FREM3: variants seen among roughly 807,000 people sequenced by gnomAD.
The protein encoded by FREM3 is FRAS1 related extracellular matrix 3, also known as FRAS1-related extracellular matrix protein 3.
FREM3 carries 105 observed loss-of-function variants against 129.1 expected under a neutral mutation model. The observed-to-expected ratio is 0.81, with a 90% CI of 0.69 to 0.96. The LOEUF is 0.96. FREM3 is among the 40% of genes least tolerant of loss of function. The probability of loss-of-function intolerance (pLI) is 0.00; values close to 1 mark genes in which losing one functional copy is unlikely to be tolerated. For missense variants in FREM3, 2,593 were observed against 2,666.3 expected, an observed-to-expected ratio of 0.97 and a Z score of 0.61; for synonymous variants, 1,014 against 1,044.9, an observed-to-expected ratio of 0.97 and a Z score of 0.57.
chr4:143,650,479 G>A (rs537403060), intron 2 of FREM3, among the ~76,000 whole-genome samples: 90 of 152,268 alleles, frequency 5.9e-4, no homozygotes, highest in African/African-American at 2.1e-3. Flanking sequence ...TGGTGAACAT[G>A]GAATTGCTAC....
intron 2 of FREM3, among the ~76,000 whole-genome samples, chr4:143,667,538 C>T (rs1478858786): frequency 6.6e-6 from 1 of 152,198 alleles, no homozygotes; most frequent in Non-Finnish European, 1.5e-5. Flanking sequence ...TCAGGAAACT[C>T]ATTTTTTTTT....
At chr4:143,635,701 T>C (rs1739222253) in intron 2 of FREM3, among the ~76,000 whole-genome samples, 1 of 152,224 alleles carries the variant, frequency 6.6e-6, no homozygotes, top group Non-Finnish European at 1.5e-5. Context: ...AGAAGAATGA[T>C]AAAACATTTT....
At chr4:143,639,828 A>T (rs1381073889) in intron 2 of FREM3, among the ~76,000 whole-genome samples, 1 of 152,148 alleles carries the variant, frequency 6.6e-6, no homozygotes, top group Non-Finnish European at 1.5e-5. Flanking sequence ...AACTTTCAAG[A>T]GTGGGAACAG....
intron 2 of FREM3, among the ~76,000 whole-genome samples, chr4:143,669,453 CA>C (rs1333630617): frequency 2.0e-5 from 3 of 151,676 alleles, no homozygotes; most frequent in Non-Finnish European, 4.4e-5. Flanking sequence ...TTGTTTAAAA[CA>C]ATTTTTTTTT....
intron 5 of FREM3, among the ~76,000 whole-genome samples, chr4:143,614,150 T>C (rs1738806405): frequency 6.6e-6 from 1 of 152,216 alleles, no homozygotes; most frequent in Non-Finnish European, 1.5e-5. Flanking sequence ...TTTAGCAAGA[T>C]TTTTAAACAA....
chr4:143,664,723 A>G (rs894743191), intron 2 of FREM3, among the ~76,000 whole-genome samples: 28 of 152,204 alleles, frequency 1.8e-4, no homozygotes, highest in African/African-American at 6.7e-4. Flanking sequence ...GGCCTCCTTG[A>G]GCTGTGGTGG....
chr4:143,620,950 G>T (rs1472422277), intron 5 of FREM3, 87 bp downstream of exon 5: 1 of 1,320,598 alleles, frequency 7.6e-7, no homozygotes, highest in Non-Finnish European at 1.0e-6. Context: ...ACTCTGCTTT[G>T]CTCACCCTCT....
At chr4:143,625,497 C>A (rs560818661) in intron 3 of FREM3, among the ~76,000 whole-genome samples, 11 of 152,312 alleles carry the variant, frequency 7.2e-5, no homozygotes, top group African/African-American at 2.6e-4. Flanking sequence ...CTTTGCAAAT[C>A]TGCTGAAGAA....
At chr4:143,682,594 C>A (rs1740274915) in intron 2 of FREM3, among the ~76,000 whole-genome samples, 1 of 152,168 alleles carries the variant, frequency 6.6e-6, no homozygotes, top group African/African-American at 2.4e-5. Context: ...TGCTTTTGTT[C>A]TTTTGTTGCA....
chr4:143,673,458 G>A (rs1048953935), intron 2 of FREM3, among the ~76,000 whole-genome samples: 9 of 152,202 alleles, frequency 5.9e-5, no homozygotes, highest in African/African-American at 1.2e-4. Context: ...TGGAAGTTTC[G>A]TCTCAGAGGG....
rs1740667334 is a variant in FREM3 at position 143,700,101 on chromosome 4, ACT to A, written c.573_574del (p.Arg191SerfsTer52). Reference sequence around the variant, plus strand: ...AGACTTCAGGGAGGCGAAGTCCAGCACTCTCCTGTCTATGGCGCGGCTCCAGC... The same window carrying A: ...AGACTTCAGGGAGGCGAAGTCCAGCACTCCTGTCTATGGCGCGGCTCCAGC... On this transcript the variant is annotated frameshift_variant, in exon 1 of 8. Coordinates refer to ENST00000329798, the MANE Select transcript of FREM3 (RefSeq NM_001168235.2). LOFTEE classifies it high-confidence loss of function. The A allele has an allele frequency of 6.5e-7, 1 of 1,536,554 alleles. No individual in the cohort carries two copies. Among genetic ancestry groups the A allele is most frequent in the African/African-American group, 1.4e-5 (1 of 73,058 alleles).
At chr4:143,594,238 C>T (rs1304827954) in intron 6 of FREM3, among the ~76,000 whole-genome samples, 1 of 152,182 alleles carries the variant, frequency 6.6e-6, no homozygotes, top group Non-Finnish European at 1.5e-5. Context: ...CACTGCCCTG[C>T]ACCCACTGTC....
intron 2 of FREM3, among the ~76,000 whole-genome samples, chr4:143,684,971 A>G (rs545629984): frequency 7.9e-4 from 120 of 152,284 alleles, no homozygotes; most frequent in African/African-American, 2.7e-3. Flanking sequence ...GAATAAGAAA[A>G]TATGAACAAA....
intron 2 of FREM3, among the ~76,000 whole-genome samples, chr4:143,652,734 A>G (rs1226151198): frequency 6.6e-6 from 1 of 152,144 alleles, no homozygotes. Context: ...GGCTTAAACC[A>G]TTCTCCTGCC....
intron 2 of FREM3, among the ~76,000 whole-genome samples, chr4:143,634,854 G>C (rs1254793169): frequency 6.6e-6 from 1 of 152,070 alleles, no homozygotes; most frequent in Non-Finnish European, 1.5e-5. Flanking sequence ...TGTGGGATGA[G>C]GGGATGTCAC....
chr4:143,621,093 A>C lies in FREM3; in HGVS notation c.5723T>G (p.Val1908Gly). 6.5e-7 allele frequency: 1 copy of C among 1,537,032 alleles called. No individual in the cohort carries two copies. Among genetic ancestry groups the C allele is most frequent in the Non-Finnish European group, 8.7e-7 (1 of 1,146,682 alleles). ...CTGGCTTGCATCTCCAGATCGTCTT[A>C]CTGGAATCAAAAGTTCCCCAATGTC... ...EEDIGELLIP[V>G]RRSGDASQEL... Residue 1908 changes from valine (V) to glycine (G), a missense_variant, in exon 5 of 8, where the codon GTA (valine) becomes GGA (glycine). Val to Gly is a moderately radical substitution (Grantham distance 109). This residue lies in a region of FREM3 where 317 missense variants were observed against 399.0 expected (regional missense o/e 0.79). Transcript: ENST00000329798.
intron 4 of FREM3, among the ~76,000 whole-genome samples, chr4:143,621,482 T>A (rs1425850059): frequency 6.6e-6 from 1 of 152,238 alleles, no homozygotes; most frequent in African/African-American, 2.4e-5. Flanking sequence ...GGAGATCACA[T>A]ATTTATGTAC....
rs182905393 is a variant in FREM3 at position 143,648,482 on chromosome 4, A to C, written c.5276-20722T>G. ...TGAATTGTAATAATCCCCATGTGTC[A>C]AGGGCAGGACCAGGTGGAGATAAGT... is the stretch of plus-strand genomic sequence containing the variant. On this transcript the variant is annotated intron_variant, in intron 2 of 7. Transcript: ENST00000329798. Among the ~76,000 whole-genome samples the C allele has an allele frequency of 4.2e-4, 64 of 152,316 alleles. No homozygotes were observed. The East Asian group carries it at 0.012, about 29-fold the overall frequency.
chr4:143,662,350 G>C (rs542976179), intron 2 of FREM3, among the ~76,000 whole-genome samples: 1 of 152,320 alleles, frequency 6.6e-6, no homozygotes, highest in South Asian at 2.1e-4. Flanking sequence ...TTAGTACCCA[G>C]TAGTCATTCA....
Sources: allele counts gnomAD v4.1 joint callset (sites outside exome capture counted in the v4.1 genomes callset), GRCh38; gene constraint gnomAD v4.1.1; regional missense constraint gnomAD v4.1.1; transcripts MANE v1.5; gene names NCBI Gene and HGNC (gene_info 2026-07-23, HGNC 2026-07-21).